Variants in MAP3K15 observed in about 807,000 individuals in gnomAD.
MAP3K15 encodes the protein mitogen-activated protein kinase kinase kinase 15, also known as MAPK/ERK kinase kinase 15.
In MAP3K15, 124 loss-of-function variants were observed where a neutral mutation model predicts 99.5. That is an observed-to-expected ratio of 1.25 (90% confidence interval 1.08 to 1.45). The LOEUF is 1.45. Among genes scored for constraint, MAP3K15 ranks in the 40% most tolerant of loss-of-function variants. The pLI is 0.00. For synonymous variants in MAP3K15, 494 were observed against 439.6 expected, an observed-to-expected ratio of 1.12 and a Z score of -1.55; for missense variants, 1,242 against 1,079.7, an observed-to-expected ratio of 1.15 and a Z score of -2.11.
chrX:19,504,851 G>A (rs1011785388), intron 1 of MAP3K15, among the ~76,000 whole-genome samples: 1 of 108,346 alleles, frequency 9.2e-6, no homozygotes, highest in African/African-American at 3.4e-5. Flanking sequence ...AGCTACCTGG[G>A]AGGCTGAGGT....
At chrX:19,486,093 C>T (rs760646053) in intron 3 of MAP3K15, among the ~76,000 whole-genome samples, 2 of 111,542 alleles carry the variant, frequency 1.8e-5, no homozygotes, top group Admixed American at 9.6e-5. Flanking sequence ...TACAACTTCA[C>T]GTTCCTCCAT....
chrX:19,409,792 T>C (rs974831826), intron 12 of MAP3K15, 132 bp downstream of exon 12: 2 of 509,340 alleles, frequency 3.9e-6, no homozygotes, highest in African/African-American at 4.7e-5. Flanking sequence ...GACAACATAA[T>C]AGAGAGTCCA....
At chrX:19,405,821 G>C (rs1365349075) in intron 13 of MAP3K15, among the ~76,000 whole-genome samples, 1 of 111,907 alleles carries the variant, frequency 8.9e-6, no homozygotes, top group Non-Finnish European at 1.9e-5. Flanking sequence ...TGTGGTAAGG[G>C]GTAAACCCTG....
chrX:19,506,425 A>C (rs1056533568), intron 1 of MAP3K15, among the ~76,000 whole-genome samples: 2 of 112,065 alleles, frequency 1.8e-5, no homozygotes, highest in East Asian at 5.6e-4. Flanking sequence ...TATACCCCAC[A>C]ATGACTCTTG....
In MAP3K15 at chrX:19,373,652, C is replaced by A. The variant is rs141584781; in HGVS notation, c.2817G>T (p.Glu939Asp). 8.3e-7 allele frequency: 1 copy of A among 1,201,477 alleles called. No homozygotes were observed. The part of the protein sequence containing the change: ...GVVLALPTQG[E>D]PMATSSSEHG... ...GCTCGCTGCTGCTGGTGGCCATGGG[C>A]TCTCCCTGTGTGGGCAGGGCCAGGA... Residue 939 changes from glutamate to aspartate, a missense_variant, in exon 21 of 29, where the codon GAG becomes GAT. Coordinates refer to ENST00000338883, the MANE Select transcript of MAP3K15 (RefSeq NM_001001671.4).
intron 9 of MAP3K15, among the ~76,000 whole-genome samples, chrX:19,422,676 G>A (rs2063796975): frequency 8.9e-6 from 1 of 111,735 alleles, no homozygotes; most frequent in Admixed American, 9.5e-5. Context: ...TCCCATTACT[G>A]GGTATATACC....
intron 3 of MAP3K15, among the ~76,000 whole-genome samples, chrX:19,483,569 T>TGC (rs1230920360): frequency 1.2e-4 from 13 of 110,193 alleles, no homozygotes; most frequent in Non-Finnish European, 1.5e-4. Context: ...ACTATGAGTG[T>TGC]GTGTGTGTGT....
chrX:19,480,653 TAAA>T (rs746641774), intron 3 of MAP3K15, among the ~76,000 whole-genome samples: 5,406 of 68,347 alleles, frequency 0.079, 277 homozygotes, highest in African/African-American at 0.17. Flanking sequence ...GGTCTCTACT[TAAA>T]AAAAAAAAAA....
intron 3 of MAP3K15, among the ~76,000 whole-genome samples, chrX:19,479,928 C>T (rs975235541): frequency 8.9e-6 from 1 of 112,357 alleles, no homozygotes; most frequent in Non-Finnish European, 1.9e-5. Flanking sequence ...TCAACTCAAT[C>T]AAATACTGAA....
Position 19,371,006 on chromosome X carries a change from T to A in MAP3K15, c.3353A>T (p.Asn1118Ile), listed in dbSNP as rs752049081. 5.1e-5 allele frequency: 60 copies of A among 1,169,413 alleles called. No individual in the cohort carries two copies. In the Admixed American group the frequency reaches 5.9e-4, roughly 12 times the overall value. ...IRPHWMFAMDNIIRRAVQAAV... is the reference protein window; with the variant it reads ...IRPHWMFAMDIIIRRAVQAAV... ...GGCCTGCACCGCTCGGCGGATGATG[T>A]TGTCCATCGCGAACATCCAGTGGGG... The change falls in exon 24 of 29, where the codon AAC becomes ATC. Residue 1118 changes from asparagine (N) to isoleucine (I), a missense_variant. Coordinates refer to ENST00000338883, the MANE Select transcript of MAP3K15 (RefSeq NM_001001671.4).
intron 3 of MAP3K15, among the ~76,000 whole-genome samples, chrX:19,483,637 C>T (rs1233754911): frequency 1.8e-5 from 2 of 110,880 alleles, no homozygotes; most frequent in Non-Finnish European, 3.8e-5. Context: ...CCATCAGATT[C>T]TGTCTTGGAA....
At chrX:19,384,757 A>G (rs2063483348) in intron 18 of MAP3K15, among the ~76,000 whole-genome samples, 3 of 82,656 alleles carry the variant, frequency 3.6e-5, no homozygotes, top group African/African-American at 2.2e-4. Flanking sequence ...GGGAAAAAAA[A>G]AAAAAAAAAA....
At chrX:19,418,418 G>A (rs1602291212) in intron 9 of MAP3K15, among the ~76,000 whole-genome samples, 5 of 111,392 alleles carry the variant, frequency 4.5e-5, no homozygotes, top group South Asian at 3.8e-4. Flanking sequence ...TAGCCGATTC[G>A]ATCAACTGGA....
intron 17 of MAP3K15, 71 bp from the exon 18 acceptor site, chrX:19,392,178 C>G: frequency 9.5e-6 from 10 of 1,052,804 alleles, no homozygotes; most frequent in Non-Finnish European, 1.3e-5. Context: ...AGATCTGGAC[C>G]TTGGGAAACC....
chrX:19,383,060 T>C (rs1369465340), intron 18 of MAP3K15, among the ~76,000 whole-genome samples: 1 of 111,098 alleles, frequency 9.0e-6, no homozygotes, highest in African/African-American at 3.3e-5. Context: ...CCGCTGTGTG[T>C]CACCCCGTAC....
intron 19 of MAP3K15, among the ~76,000 whole-genome samples, chrX:19,379,306 T>C (rs1279222591): frequency 9.1e-6 from 1 of 109,408 alleles, no homozygotes; most frequent in Non-Finnish European, 1.9e-5. Flanking sequence ...TTTTTTTTTT[T>C]AAACCTGTCA....
intron 12 of MAP3K15, among the ~76,000 whole-genome samples, chrX:19,407,896 G>A (rs1450490814): frequency 8.9e-6 from 1 of 111,906 alleles, no homozygotes; most frequent in East Asian, 2.8e-4. Context: ...CCTCATGCCA[G>A]GAGGTATTAT....
intron 3 of MAP3K15, among the ~76,000 whole-genome samples, chrX:19,475,989 T>C (rs1369511332): frequency 8.9e-6 from 1 of 111,986 alleles, no homozygotes; most frequent in African/African-American, 3.2e-5. Context: ...CCAGCACTTA[T>C]TTTTATTTAT....
intron 6 of MAP3K15, among the ~76,000 whole-genome samples, chrX:19,433,753 C>T (rs1017539429): frequency 8.9e-6 from 1 of 111,966 alleles, no homozygotes. Flanking sequence ...AAAAACAAAA[C>T]AGGTACCCAT....
Sources: gnomAD v4.1 joint callset for allele counts (sites outside exome capture counted in the v4.1 genomes callset) on GRCh38, gnomAD v4.1.1 for gene constraint, MANE v1.5 for transcripts, NCBI Gene and HGNC (gene_info 2026-07-23, HGNC 2026-07-21) for gene names.